Variants in TTBK1 observed in about 807,000 individuals in gnomAD.
TTBK1 encodes tau tubulin kinase 1, also known as tau-tubulin kinase 1.
TTBK1 carries 34 observed loss-of-function variants against 108.5 expected under a neutral mutation model. The observed-to-expected ratio is 0.31, with a 90% CI of 0.24 to 0.42. The LOEUF is 0.42. Ranked by LOEUF, TTBK1 falls within the 10% of genes least tolerant of loss-of-function variation. TTBK1 has a pLI of 1.00. For synonymous variants in TTBK1, 809 were observed against 795.1 expected, an observed-to-expected ratio of 1.02 and a Z score of -0.29; for missense variants, 1,539 against 1,826.0, an observed-to-expected ratio of 0.84 and a Z score of 2.86.
chr6:43,262,819 G>A lies in TTBK1; in HGVS notation c.1455G>A (p.Ser485=), dbSNP rs1393947511. 3 of 1,584,788 alleles carry A rather than the reference G, an allele frequency of 1.9e-6. No individual in the cohort carries two copies. The highest frequency in any genetic ancestry group is 1.7e-6 in the Non-Finnish European group (2 of 1,161,780). Residue 485 remains serine (S), a synonymous_variant, in exon 13 of 15, where the codon TCG becomes TCA. Transcript: ENST00000259750. ...GGATGGATCTGCCTGGCTCGCCCTC[G>A]CGCCAGGCCTGCTCCTCTCAGCCAG... ...RSRMDLPGSP[S]RQACSSQPAQ... is the part of the protein sequence containing the mutation.
At chr6:43,267,205 T>C (rs1777704633) in intron 13 of TTBK1, among the ~76,000 whole-genome samples, 1 of 152,162 alleles carries the variant, frequency 6.6e-6, no homozygotes, top group Admixed American at 6.5e-5. Context: ...GCAGAGATCT[T>C]CCTTCATCAA....
Position 43,263,094 on chromosome 6 carries a change from T to C in TTBK1, c.1730T>C (p.Leu577Pro), listed in dbSNP as rs1004737697. ...GAGGAGCCCGAGGAGCTGCGGCCAC[T>C]GCCCGAGGAGGGCGAAGAGCGGCGG... ...TDEEPEELRP[L>P]PEEGEERRRL... The change falls in exon 13 of 15, where the codon CTG (leucine) becomes CCG (proline). Residue 577 changes from leucine (L) to proline (P), a missense_variant. Physicochemically the swap from Leu to Pro is moderately conservative, Grantham distance 98. Around this residue, in one of 5 missense-constraint regions of TTBK1, gnomAD observed 1,055 missense variants for 1,086.5 expected, o/e 0.97. Transcript: ENST00000259750. This position sits in a 1 kb window ranked among gnomAD's most constrained non-coding sequence, Gnocchi z 4.7. 6 of 1,570,982 alleles carry C rather than the reference T, an allele frequency of 3.8e-6. No homozygotes were observed. Among genetic ancestry groups the C allele is most frequent in the Admixed American group, 1.9e-5 (1 of 52,898 alleles).
chr6:43,247,627 C>G (rs1006104448), intron 2 of TTBK1, among the ~76,000 whole-genome samples: 6 of 151,980 alleles, frequency 3.9e-5, no homozygotes, highest in African/African-American at 1.5e-4. Flanking sequence ...GTCAGGTACA[C>G]TCCTGACCTC....
At position 43,263,680 on chromosome 6, in the gene TTBK1, C is replaced by T. The variant is rs113494988; in HGVS notation, c.1986+330C>T. Among the ~76,000 whole-genome samples the T allele has an allele frequency of 3.2e-3, 483 of 152,264 alleles. No individual in the cohort carries two copies. The highest frequency in any genetic ancestry group is 0.011 in the African/African-American group (451 of 41,542). On this transcript the variant is annotated intron_variant, in intron 13 of 14. Transcript: ENST00000259750. The surrounding 1 kb of genome is among the most constrained non-coding windows in gnomAD (Gnocchi z 4.7). Reference sequence around the variant, plus strand: ...ATCTGAGAACACTGAGCTGATGGCACACTGCAGCAGACAAGGCTGTGAGGT... The same window carrying T: ...ATCTGAGAACACTGAGCTGATGGCATACTGCAGCAGACAAGGCTGTGAGGT...
Position 43,253,588 on chromosome 6 carries a change from G to A in TTBK1, c.351G>A (p.Leu117=). 1 of 1,611,258 alleles carries A rather than the reference G, an allele frequency of 6.2e-7. No homozygotes were observed. Among genetic ancestry groups the A allele is most frequent in the Non-Finnish European group, 8.5e-7 (1 of 1,179,066 alleles). ...TGCAGGGCCGGAACCTGGCCGACCT[G>A]CGCCGTAGCCAGCCGCGAGGCACCT... The part of the protein sequence containing the change: ...MQLQGRNLAD[L]RRSQPRGTFT... Residue 117 remains leucine (L), a synonymous_variant, in exon 5 of 15, where the codon CTG becomes CTA. Coordinates refer to ENST00000259750, the MANE Select transcript of TTBK1 (RefSeq NM_032538.3). This position sits in a 1 kb window ranked among gnomAD's most constrained non-coding sequence, Gnocchi z 5.8.
chr6:43,271,081 C>G (rs939228465), intron 13 of TTBK1: 2 of 985,396 alleles, frequency 2.0e-6, no homozygotes, highest in African/African-American at 3.5e-5. Context: ...CTGCAGGGAG[C>G]CCAAGTTTCC....
intron 13 of TTBK1, among the ~76,000 whole-genome samples, chr6:43,277,139 A>C (rs1210814422): frequency 6.6e-6 from 1 of 152,172 alleles, no homozygotes; most frequent in Non-Finnish European, 1.5e-5. Context: ...AGGACACTGT[A>C]CTGAGGAGCC....
chr6:43,259,763 G>A lies in TTBK1; in HGVS notation c.1424+57G>A. 16 of 1,459,382 alleles carry A rather than the reference G, an allele frequency of 1.1e-5. No individual in the cohort carries two copies. Among genetic ancestry groups the A allele is most frequent in the Middle Eastern group, 3.8e-4 (2 of 5,316 alleles). 90.4% of individuals were successfully genotyped at this position (1,459,382 alleles called of 1,614,324 possible). On this transcript the variant is annotated intron_variant, in intron 12 of 14. Coordinates refer to ENST00000259750, the MANE Select transcript of TTBK1 (RefSeq NM_032538.3). The surrounding 1 kb of genome is among the most constrained non-coding windows in gnomAD (Gnocchi z 6.7). ...CCAAGGCCCTCTCCGCCTTCACGTG[G>A]CTGGTCTGGAGGAAAAGTTAGATGT... is the stretch of plus-strand genomic sequence containing the variant.
At chr6:43,274,800 T>G (rs1777920219) in intron 13 of TTBK1, among the ~76,000 whole-genome samples, 1 of 152,002 alleles carries the variant, frequency 6.6e-6, no homozygotes, top group Non-Finnish European at 1.5e-5. Flanking sequence ...CATATCCCTC[T>G]GGTTCCCCAC....
chr6:43,284,150 A>G lies in TTBK1; in HGVS notation c.3410A>G (p.Glu1137Gly). Residue 1137 changes from glutamate (E) to glycine (G), a missense_variant, in exon 14 of 15, where the codon GAG becomes GGG. Glu to Gly is a moderately conservative substitution (Grantham distance 98, BLOSUM62 -2). Transcript: ENST00000259750. ...TCTGAGGAGGACACGCCCGCCTCTG[A>G]GCCGGCAGCGGCCTTGCCCAGGAAG... ...TGSEEDTPASEPAAALPRKSG... is the reference protein window; with the variant it reads ...TGSEEDTPASGPAAALPRKSG... 2 of 1,546,776 alleles carry G rather than the reference A, an allele frequency of 1.3e-6. No homozygotes were observed. Among genetic ancestry groups the G allele is most frequent in the South Asian group, 2.3e-5 (2 of 85,344 alleles).
At position 43,253,789 on chromosome 6, in the gene TTBK1, C is replaced by T; in HGVS notation, c.471+81C>T. 1 of 1,499,592 alleles carries T rather than the reference C, an allele frequency of 6.7e-7. No individual in the cohort carries two copies. The highest frequency in any genetic ancestry group is 1.8e-4 in the Middle Eastern group (1 of 5,674). The allele number at this position is 1,499,592 out of a possible 1,614,324, so 92.9% of individuals were successfully genotyped here. ...TCTTTCCCTGGGTCTCCTGGTTTCT[C>T]CTCTGCAACCATGGTTGGGACTTGT... On this transcript the variant is annotated intron_variant, in intron 5 of 14. Coordinates refer to ENST00000259750, the MANE Select transcript of TTBK1 (RefSeq NM_032538.3). This position sits in a 1 kb window ranked among gnomAD's most constrained non-coding sequence, Gnocchi z 5.8.
At chr6:43,247,498 TTGTGGGGGCAGGATAA>T (rs1453402817) in intron 2 of TTBK1, among the ~76,000 whole-genome samples, 1 of 152,066 alleles carries the variant, frequency 6.6e-6, no homozygotes, top group Non-Finnish European at 1.5e-5. Flanking sequence ...CCTCTTATTA[TTGTGGGGGCAGGATAA>T]TGTGGGGCAG....
At chr6:43,270,523 C>G in intron 13 of TTBK1, 1 of 986,030 alleles carries the variant, frequency 1.0e-6, no homozygotes, top group Non-Finnish European at 1.2e-6. Flanking sequence ...TTTCAATGCT[C>G]AGTGATCGGG....
chr6:43,262,763 G>A, intron 12 of TTBK1, 26 bp from the exon 13 acceptor site: 2 of 1,513,372 alleles, frequency 1.3e-6, no homozygotes, highest in East Asian at 2.3e-5. Flanking sequence ...GCCAGGTATT[G>A]AGCCCCGTGA....
At position 43,259,676 on chromosome 6, in the gene TTBK1, C is replaced by A. The variant is rs758174700; in HGVS notation, c.1394C>A (p.Ala465Glu). 1.2e-6 allele frequency: 2 copies of A among 1,600,944 alleles called. No individual in the cohort carries two copies. Among genetic ancestry groups the A allele is most frequent in the Admixed American group, 1.7e-5 (1 of 58,452 alleles). ...NSPESERLST[A>E]DGRVELPERR... ...CCTGAGTCAGAAAGGCTGTCCACGG[C>A]GGACGGGCGAGTGGAGCTACCTGAG... The change falls in exon 12 of 15, where the codon GCG (alanine) becomes GAG (glutamate). Residue 465 changes from alanine to glutamate, a missense_variant. Physicochemically the swap from Ala to Glu is moderately radical, Grantham distance 107. This residue lies in a region of TTBK1 where 277 missense variants were observed against 332.4 expected (regional missense o/e 0.83). Transcript: ENST00000259750. The surrounding 1 kb of genome is among the most constrained non-coding windows in gnomAD (Gnocchi z 6.7).
In TTBK1 at chr6:43,255,814, C is replaced by A. The variant is rs1296455214; in HGVS notation, c.819C>A (p.Asp273Glu). The change falls in exon 9 of 15, where the codon GAC becomes GAA. Residue 273 changes from aspartate (D) to glutamate (E), a missense_variant. Transcript: ENST00000259750. ...CGTCAGAGTTCCACCTCTTCCTGGACCACATTGCCAGCCTCGACTACTTCA... is the reference window on the plus strand; with the variant it reads ...CGTCAGAGTTCCACCTCTTCCTGGAACACATTGCCAGCCTCGACTACTTCA... ...HMPSEFHLFL[D>E]HIASLDYFTK... The A allele has an allele frequency of 6.2e-7, 1 of 1,614,026 alleles. No homozygotes were observed.
Position 43,265,695 on chromosome 6 carries a change from G to A in TTBK1, c.1986+2345G>A, listed in dbSNP as rs1035624492. Among the ~76,000 whole-genome samples the A allele has an allele frequency of 6.6e-6, 1 of 152,204 alleles. No individual in the cohort carries two copies. The highest frequency in any genetic ancestry group is 2.4e-5 in the African/African-American group (1 of 41,444). Reference sequence around the variant, plus strand: ...GCCATGTACCACAGGCATCAGAGGTGACTTGCACAATAGGTTGTACCCGTA... The same window carrying A: ...GCCATGTACCACAGGCATCAGAGGTAACTTGCACAATAGGTTGTACCCGTA... On this transcript the variant is annotated intron_variant, in intron 13 of 14. Coordinates refer to ENST00000259750, the MANE Select transcript of TTBK1 (RefSeq NM_032538.3). The surrounding 1 kb of genome is among the most constrained non-coding windows in gnomAD (Gnocchi z 4.1).
In TTBK1 at chr6:43,265,560, A is replaced by T. The variant is rs901649652; in HGVS notation, c.1986+2210A>T. Among the ~76,000 whole-genome samples, 1 of 152,172 alleles carries T rather than the reference A, an allele frequency of 6.6e-6. No homozygotes were observed. The highest frequency in any genetic ancestry group is 1.5e-5 in the Non-Finnish European group (1 of 68,032). On this transcript the variant is annotated intron_variant, in intron 13 of 14. Transcript: ENST00000259750. This position sits in a 1 kb window ranked among gnomAD's most constrained non-coding sequence, Gnocchi z 4.1. ...TGGCACCATTGCGTTGTAACTAGCC[A>T]TTGCTCCCACCACACCCAGCACCAG...
chr6:43,252,513 G>A (rs1777270980), intron 2 of TTBK1, among the ~76,000 whole-genome samples: 2 of 151,938 alleles, frequency 1.3e-5, no homozygotes, highest in Non-Finnish European at 2.9e-5. Flanking sequence ...TGTAGTCCCA[G>A]CTACTCAGGA....
Sources: gnomAD v4.1 joint callset for allele counts (sites outside exome capture counted in the v4.1 genomes callset) on GRCh38, gnomAD v4.1.1 for gene constraint, gnomAD v4.1.1 regional missense constraint, Gnocchi (gnomAD v3.1) non-coding constraint, MANE v1.5 for transcripts, NCBI Gene and HGNC (gene_info 2026-07-23, HGNC 2026-07-21) for gene names.